Variants in GABRG3 observed in about 807,000 individuals in gnomAD.
GABRG3 encodes the protein gamma-aminobutyric acid type A receptor subunit gamma3, also known as gamma-aminobutyric acid receptor subunit gamma-3.
In GABRG3, 25 loss-of-function variants were observed where a neutral mutation model predicts 48.8. The ratio of observed to expected loss-of-function variants is 0.51; its 90% CI spans 0.37 to 0.72. The LOEUF is 0.72. GABRG3 is among the 30% of genes least tolerant of loss of function. The pLI, the probability that GABRG3 is intolerant of heterozygous loss-of-function variation, is 0.00. For synonymous variants in GABRG3, 227 were observed against 217.6 expected (o/e 1.04, Z -0.38); for missense variants, 394 against 577.9 (o/e 0.68, Z 3.26).
At chr15:27,304,885 G>A (rs963440050) in intron 3 of GABRG3, among the ~76,000 whole-genome samples, 3 of 151,824 alleles carry the variant, frequency 2.0e-5, no homozygotes, top group African/African-American at 7.2e-5. Flanking sequence ...CTGATATTAT[G>A]GATACTGGAA....
At chr15:27,079,653 A>G (rs1339908259) in intron 3 of GABRG3, among the ~76,000 whole-genome samples, 1 of 152,156 alleles carries the variant, frequency 6.6e-6, no homozygotes, top group African/African-American at 2.4e-5. Flanking sequence ...GGTTCTCACC[A>G]GTGAGACCCA....
At chr15:27,508,913 G>C (rs1259728850) in intron 6 of GABRG3, among the ~76,000 whole-genome samples, 2 of 152,004 alleles carry the variant, frequency 1.3e-5, no homozygotes, top group African/African-American at 4.8e-5. Context: ...TAGAGATGGG[G>C]TTTCACCGTG....
At chr15:27,172,071 G>C (rs557887740) in intron 3 of GABRG3, among the ~76,000 whole-genome samples, 2 of 152,158 alleles carry the variant, frequency 1.3e-5, no homozygotes, top group African/African-American at 4.8e-5. Context: ...CATGATCATG[G>C]CATGAATCCA....
intron 5 of GABRG3, among the ~76,000 whole-genome samples, chr15:27,379,691 A>T (rs911581182): frequency 2.0e-5 from 3 of 152,194 alleles, no homozygotes; most frequent in African/African-American, 7.2e-5. Context: ...TGGATGCAGA[A>T]TGCTAGATGG....
chr15:27,066,639 G>C (rs1454571050), intron 3 of GABRG3, among the ~76,000 whole-genome samples: 12 of 152,014 alleles, frequency 7.9e-5, no homozygotes, highest in Admixed American at 7.9e-4. Flanking sequence ...TCTGAGAGCA[G>C]GTATTACAGA....
At chr15:27,356,062 A>G (rs1350326913) in intron 5 of GABRG3, among the ~76,000 whole-genome samples, 2 of 152,200 alleles carry the variant, frequency 1.3e-5, no homozygotes, top group Non-Finnish European at 2.9e-5. Flanking sequence ...CAAATTGTCT[A>G]CTTTTAAAGG....
chr15:27,447,819 G>A lies in GABRG3; in HGVS notation c.575-32831G>A, dbSNP rs1888987106. 6.6e-6 allele frequency among the ~76,000 whole-genome samples: 1 copy of A among 152,154 alleles called. No homozygotes were observed. Among genetic ancestry groups the A allele is most frequent in the Admixed American group, 6.5e-5 (1 of 15,270 alleles). On this transcript the variant is annotated intron_variant, in intron 5 of 9. Transcript: ENST00000615808. The surrounding 1 kb of genome is among the most constrained non-coding windows in gnomAD (Gnocchi z 4.0). ...TGAACAATGAGAACACATGGACACA[G>A]GGAGGGGAACATCACACACCAGGGC...
chr15:27,298,542 G>A (rs2051722851), intron 3 of GABRG3, among the ~76,000 whole-genome samples: 2 of 152,060 alleles, frequency 1.3e-5, no homozygotes, highest in African/African-American at 4.8e-5. Context: ...CATAAGATAA[G>A]GTGAGCATAG....
At chr15:27,419,723 G>A (rs1463811532) in intron 5 of GABRG3, among the ~76,000 whole-genome samples, 1 of 152,152 alleles carries the variant, frequency 6.6e-6, no homozygotes, top group African/African-American at 2.4e-5. Context: ...GTAAGAGATG[G>A]TTAGCAGGTA....
chr15:27,024,903 G>A (rs1895957514), intron 2 of GABRG3, among the ~76,000 whole-genome samples: 1 of 151,590 alleles, frequency 6.6e-6, no homozygotes, highest in African/African-American at 2.4e-5. Flanking sequence ...GCAGGCGCCT[G>A]TAATCCCAGC....
At chr15:27,307,875 A>ATATATAAATATATATAAATG (rs1566772334) in intron 3 of GABRG3, among the ~76,000 whole-genome samples, 15 of 135,524 alleles carry the variant, frequency 1.1e-4, no homozygotes, top group Non-Finnish European at 1.5e-4. Context: ...ATATAAATGT[A>ATATATAAATATATATAAATG]TATGTTTATA....
intron 5 of GABRG3, among the ~76,000 whole-genome samples, chr15:27,417,231 G>A (rs1478870363): frequency 6.6e-6 from 1 of 152,200 alleles, no homozygotes; most frequent in African/African-American, 2.4e-5. Flanking sequence ...GCAGTGGGTA[G>A]AGCCCAGAGA....
chr15:27,395,191 A>G (rs1887263784), intron 5 of GABRG3, among the ~76,000 whole-genome samples: 3 of 152,258 alleles, frequency 2.0e-5, no homozygotes, highest in South Asian at 4.1e-4. Flanking sequence ...CAATTGACCT[A>G]TCTTAAAATT....
At chr15:27,255,305 C>G (rs1890578873) in intron 3 of GABRG3, among the ~76,000 whole-genome samples, 1 of 152,230 alleles carries the variant, frequency 6.6e-6, no homozygotes, top group South Asian at 2.1e-4. Context: ...GAGTCCCAAG[C>G]TCCAAACACC....
intron 6 of GABRG3, among the ~76,000 whole-genome samples, chr15:27,515,374 T>G (rs532809128): frequency 6.6e-6 from 1 of 152,208 alleles, no homozygotes; most frequent in African/African-American, 2.4e-5. Context: ...GATTACAGGT[T>G]GAGCCACCGC....
intron 2 of GABRG3, among the ~76,000 whole-genome samples, chr15:27,023,210 C>T (rs1027272202): frequency 6.6e-6 from 1 of 152,190 alleles, no homozygotes. Flanking sequence ...TGCTTTCTTT[C>T]ACTCAGAAAA....
At chr15:27,183,399 C>T (rs1887996223) in intron 3 of GABRG3, among the ~76,000 whole-genome samples, 1 of 152,156 alleles carries the variant, frequency 6.6e-6, no homozygotes, top group South Asian at 2.1e-4. Flanking sequence ...GAGTAGCCTG[C>T]CTGAGGTTGC....
In GABRG3 at chr15:27,141,117, C is replaced by T. The variant is rs74528930; in HGVS notation, c.270+114296C>T. ...GGAATAGTGGTGGATAGAAGCTTAGCTTTTGACATTAGCCTTTGTGATTGT... is the reference window on the plus strand; with the variant it reads ...GGAATAGTGGTGGATAGAAGCTTAGTTTTTGACATTAGCCTTTGTGATTGT... On this transcript the variant is annotated intron_variant, in intron 3 of 9. Transcript: ENST00000615808. 3.4e-4 allele frequency among the ~76,000 whole-genome samples: 52 copies of T among 152,204 alleles called. No homozygotes were observed. In the East Asian group the frequency reaches 7.0e-3, roughly 20 times the overall value.
chr15:27,123,742 C>T (rs888848628), intron 3 of GABRG3, among the ~76,000 whole-genome samples: 4 of 152,110 alleles, frequency 2.6e-5, no homozygotes, highest in East Asian at 1.9e-4. Context: ...TGCTCTCAAA[C>T]GCTTGGTGCT....
Sources: gnomAD v4.1 joint callset for allele counts (sites outside exome capture counted in the v4.1 genomes callset) on GRCh38, gnomAD v4.1.1 for gene constraint, Gnocchi (gnomAD v3.1) non-coding constraint, MANE v1.5 for transcripts, NCBI Gene and HGNC (gene_info 2026-07-23, HGNC 2026-07-21) for gene names.